The following TGFA variants were observed in gnomAD, a reference collection of about 807,000 sequenced individuals.
The protein encoded by TGFA is protransforming growth factor alpha.
Under a neutral mutation model 21.7 loss-of-function variants are expected in TGFA, and 12 were observed. That is an observed-to-expected ratio of 0.55 (90% CI 0.35 to 0.90). The LOEUF is 0.90. TGFA is among the 40% of genes least tolerant of loss of function. The probability of loss-of-function intolerance (pLI) is 0.01; values close to 1 mark genes in which losing one functional copy is unlikely to be tolerated. For missense variants in TGFA, 178 were observed against 210.8 expected (o/e 0.84, Z 0.96); for synonymous variants, 79 against 88.1 (o/e 0.90, Z 0.58).
At chr2:70,476,214 T>G (rs1391155525) in intron 2 of TGFA, among the ~76,000 whole-genome samples, 2 of 152,130 alleles carry the variant, frequency 1.3e-5, no homozygotes, top group Non-Finnish European at 2.9e-5. Context: ...ATCATTTCCT[T>G]CTTTCATCTC....
chr2:70,497,974 T>G (rs1553498570), intron 2 of TGFA, among the ~76,000 whole-genome samples: 1 of 152,248 alleles, frequency 6.6e-6, no homozygotes, highest in Non-Finnish European at 1.5e-5. Flanking sequence ...ATTCCAGCAT[T>G]AACTCTTAGC....
chr2:70,511,661 C>T (rs943804387), intron 2 of TGFA, among the ~76,000 whole-genome samples: 6 of 152,084 alleles, frequency 3.9e-5, no homozygotes, highest in South Asian at 4.1e-4. Context: ...TTATCTGTTA[C>T]GTATACGCAT....
At chr2:70,506,407 A>G (rs894383223) in intron 2 of TGFA, among the ~76,000 whole-genome samples, 4 of 152,210 alleles carry the variant, frequency 2.6e-5, no homozygotes, top group Non-Finnish European at 2.9e-5. Flanking sequence ...AATGTGGTTG[A>G]TGACTAAAAA....
intron 2 of TGFA, among the ~76,000 whole-genome samples, chr2:70,500,952 T>C (rs567199642): frequency 7.1e-6 from 1 of 141,700 alleles, no homozygotes; most frequent in African/African-American, 2.8e-5. Context: ...TTGTTGCCTG[T>C]GCTTTTAGGG....
intron 2 of TGFA, among the ~76,000 whole-genome samples, chr2:70,507,364 C>T (rs1553500296): frequency 6.6e-6 from 1 of 152,230 alleles, no homozygotes; most frequent in Non-Finnish European, 1.5e-5. Context: ...ACTATATGCC[C>T]TGTATTTTTG....
chr2:70,466,122 A>C (rs529566573), intron 2 of TGFA, among the ~76,000 whole-genome samples: 2 of 152,218 alleles, frequency 1.3e-5, no homozygotes, highest in Admixed American at 1.3e-4. Context: ...AAAGGTACAA[A>C]AGAATATTCT....
chr2:70,514,791 G>C (rs1484877884), intron 2 of TGFA, 68 bp downstream of exon 2: 1 of 1,541,832 alleles, frequency 6.5e-7, no homozygotes, highest in South Asian at 1.1e-5. Flanking sequence ...AGCTCTTGAG[G>C]AGCCACACAG....
chr2:70,506,100 C>T (rs1211699528), intron 2 of TGFA, among the ~76,000 whole-genome samples: 1 of 152,166 alleles, frequency 6.6e-6, no homozygotes, highest in Non-Finnish European at 1.5e-5. Flanking sequence ...GATGTTTCAC[C>T]AGAAAGCCAC....
At chr2:70,489,412 G>C (rs1671359416) in intron 2 of TGFA, among the ~76,000 whole-genome samples, 1 of 152,210 alleles carries the variant, frequency 6.6e-6, no homozygotes, top group South Asian at 2.1e-4. Flanking sequence ...GATGTTCTGG[G>C]CTGCCTGGGG....
At chr2:70,453,391 A>G (rs1670123220) in intron 4 of TGFA, 64 bp from the exon 5 acceptor site, 2 of 1,486,862 alleles carry the variant, frequency 1.3e-6, no homozygotes, top group Non-Finnish European at 1.9e-6. Flanking sequence ...GTGGTACAGC[A>G]TCTGCCCTAG....
chr2:70,537,876 C>T (rs2103923368), intron 1 of TGFA, among the ~76,000 whole-genome samples: 1 of 152,270 alleles, frequency 6.6e-6, no homozygotes, highest in South Asian at 2.1e-4. Context: ...ATTTTCAGTG[C>T]AGATGAAACA....
chr2:70,533,972 T>C (rs1265227254), intron 1 of TGFA, among the ~76,000 whole-genome samples: 1 of 150,286 alleles, frequency 6.7e-6, no homozygotes, highest in Non-Finnish European at 1.5e-5. Context: ...ACTCTCTTTA[T>C]CTAAAGGAAA....
intron 2 of TGFA, among the ~76,000 whole-genome samples, chr2:70,512,840 A>G (rs1672145227): frequency 6.6e-6 from 1 of 152,212 alleles, no homozygotes; most frequent in Admixed American, 6.5e-5. Context: ...TATGCATGGC[A>G]GTGTCAGCAC....
At position 70,553,163 on chromosome 2, in the gene TGFA, G is replaced by T. The variant is rs950562277; in HGVS notation, c.40+565C>A. On this transcript the variant is annotated intron_variant, in intron 1 of 5. Coordinates refer to ENST00000295400, the MANE Select transcript of TGFA (RefSeq NM_003236.4). The stretch of plus-strand genomic sequence containing the variant: ...AGTTAATTAAAGGAACCATTAATCC[G>T]CCCAAAAATCCAAAACCTACCCCCA... 20 of 1,535,226 alleles carry T rather than the reference G, an allele frequency of 1.3e-5. 1 individual carries two copies. The African/African-American group carries it at 2.3e-4, about 18-fold the overall frequency.
intron 1 of TGFA, among the ~76,000 whole-genome samples, chr2:70,527,591 G>A (rs1672678141): frequency 6.6e-6 from 1 of 152,122 alleles, no homozygotes; most frequent in Admixed American, 6.5e-5. Context: ...ATGTAAACGA[G>A]GGACTTTAGT....
chr2:70,480,926 T>C (rs544938928), intron 2 of TGFA, among the ~76,000 whole-genome samples: 1 of 152,142 alleles, frequency 6.6e-6, no homozygotes, highest in East Asian at 1.9e-4. Flanking sequence ...TGGGAATTCC[T>C]GGTTTAAATC....
At chr2:70,547,545 G>GAA (rs112107973) in intron 1 of TGFA, among the ~76,000 whole-genome samples, 1 of 135,974 alleles carries the variant, frequency 7.4e-6, no homozygotes, top group Non-Finnish European at 1.6e-5. Context: ...TCCATCTCAA[G>GAA]AAAAAAAAAA....
chr2:70,453,194 C>T, intron 5 of TGFA, 24 bp downstream of exon 5: 1 of 1,600,316 alleles, frequency 6.2e-7, no homozygotes, highest in Non-Finnish European at 8.6e-7. Flanking sequence ...AATAGTGTCT[C>T]CCACCAGAGA....
intron 1 of TGFA, among the ~76,000 whole-genome samples, chr2:70,531,260 G>A (rs1350829644): frequency 7.2e-5 from 11 of 152,090 alleles, no homozygotes; most frequent in Admixed American, 1.3e-4. Context: ...TTACTTCGAG[G>A]GGAGGCAGAC....
Sources: allele counts gnomAD v4.1 joint callset (sites outside exome capture counted in the v4.1 genomes callset), GRCh38; gene constraint gnomAD v4.1.1; transcripts MANE v1.5; gene names NCBI Gene and HGNC (gene_info 2026-07-23, HGNC 2026-07-21).